LYPLA1: variants seen among roughly 807,000 people sequenced by gnomAD.
The protein encoded by LYPLA1 is lysophospholipase 1, also known as acyl-protein thioesterase 1.
LYPLA1 carries 17 observed loss-of-function variants against 34.0 expected under a neutral mutation model. The observed-to-expected ratio is 0.50, with a 90% confidence interval of 0.34 to 0.75. The LOEUF is 0.75. Ranked by LOEUF, LYPLA1 falls within the 30% of genes least tolerant of loss-of-function variation. The pLI, the probability that LYPLA1 is intolerant of heterozygous loss-of-function variation, is 0.01. For missense variants in LYPLA1, 203 were observed against 288.8 expected, an observed-to-expected ratio of 0.70 and a Z score of 2.15; for synonymous variants, 98 against 100.8, an observed-to-expected ratio of 0.97 and a Z score of 0.17.
intron 3 of LYPLA1, among the ~76,000 whole-genome samples, chr8:54,065,318 C>G (rs1050201596): frequency 6.6e-6 from 1 of 151,826 alleles, no homozygotes; most frequent in Non-Finnish European, 1.5e-5. Context: ...ATTAGCTGGG[C>G]GTGGTGGCAC....
At chr8:54,058,616 G>GTC (rs113146082) in intron 5 of LYPLA1, among the ~76,000 whole-genome samples, 4,602 of 148,842 alleles carry the variant, frequency 0.031, 102 homozygotes, top group African/African-American at 0.062. Context: ...CTCTGTCTCT[G>GTC]TCTCTCTCTC....
At chr8:54,092,539 C>T (rs1809379474) in intron 2 of LYPLA1, among the ~76,000 whole-genome samples, 1 of 152,030 alleles carries the variant, frequency 6.6e-6, no homozygotes, top group South Asian at 2.1e-4. Context: ...CTCAGTTTTC[C>T]CATCCATAAC....
intron 2 of LYPLA1, chr8:54,073,503 T>C: frequency 1.4e-6 from 1 of 715,338 alleles, no homozygotes; most frequent in Non-Finnish European, 2.6e-6. Flanking sequence ...ACTCCAGAAC[T>C]ACCAGCATCT....
chr8:54,088,767 G>A (rs1044008042), intron 2 of LYPLA1, among the ~76,000 whole-genome samples: 1 of 152,210 alleles, frequency 6.6e-6, no homozygotes, highest in Non-Finnish European at 1.5e-5. Flanking sequence ...TTAAGAGACA[G>A]AGTCTCACTA....
chr8:54,052,981 T>G, intron 6 of LYPLA1: 1 of 467,740 alleles, frequency 2.1e-6, no homozygotes, highest in Non-Finnish European at 3.8e-6. Flanking sequence ...AGACATAGTT[T>G]GTACCATGGG....
chr8:54,071,637 T>G (rs1203860743), intron 2 of LYPLA1, among the ~76,000 whole-genome samples: 2 of 151,986 alleles, frequency 1.3e-5, no homozygotes, highest in African/African-American at 2.4e-5. Context: ...GAGTTACAAT[T>G]GCCACAAAAA....
downstream of LYPLA1, among the ~76,000 whole-genome samples, chr8:54,045,933 C>G (rs1805467600): frequency 6.6e-6 from 1 of 152,058 alleles, no homozygotes; most frequent in Non-Finnish European, 1.5e-5. Flanking sequence ...TGGTGGTGGG[C>G]TCCTGTAATC....
chr8:54,081,041 G>A (rs887054409), intron 2 of LYPLA1, among the ~76,000 whole-genome samples: 17 of 152,138 alleles, frequency 1.1e-4, no homozygotes, highest in Non-Finnish European at 8.8e-5. Flanking sequence ...AAAAATGCTG[G>A]AGTTCACACA....
intron 2 of LYPLA1, among the ~76,000 whole-genome samples, chr8:54,076,334 C>T (rs1807900368): frequency 6.6e-6 from 1 of 152,190 alleles, no homozygotes; most frequent in Non-Finnish European, 1.5e-5. Context: ...CAGCTAGTAA[C>T]CCATTAAAAT....
chr8:54,077,592 T>C (rs1279976000), intron 2 of LYPLA1, among the ~76,000 whole-genome samples: 1 of 152,160 alleles, frequency 6.6e-6, no homozygotes, highest in African/African-American at 2.4e-5. Context: ...GGTCAGGAGA[T>C]ACAGACCAGC....
intron 5 of LYPLA1, among the ~76,000 whole-genome samples, chr8:54,058,597 T>C (rs1246514526): frequency 1.3e-5 from 2 of 151,688 alleles, no homozygotes; most frequent in African/African-American, 4.9e-5. Context: ...TCACACTCTC[T>C]CTCTGTGTCT....
rs148012039 is a variant in LYPLA1, at chr8:54,056,099, G to C, written c.287-966C>G. ...GTACTGGCATAAAAACAGACACACA[G>C]ACTAAAGGAACAGAATAGAGAACCC... is the stretch of plus-strand genomic sequence containing the variant. On this transcript the variant is annotated intron_variant, in intron 5 of 8. Transcript: ENST00000316963. Among the ~76,000 whole-genome samples the C allele has an allele frequency of 2.8e-3, 422 of 152,180 alleles. 4 individuals are homozygous for C. Among genetic ancestry groups the C allele is most frequent in the Middle Eastern group, 0.017 (5 of 294 alleles).
chr8:54,085,636 T>C (rs1808671951), intron 2 of LYPLA1, among the ~76,000 whole-genome samples: 1 of 150,440 alleles, frequency 6.6e-6, no homozygotes, highest in South Asian at 2.1e-4. Context: ...CGCGACCCCG[T>C]CTGGGAACTG....
At position 54,052,624 on chromosome 8, in the gene LYPLA1, A is replaced by T. The variant is rs748307286; in HGVS notation, c.462+31T>A. The T allele has an allele frequency of 3.7e-6, 5 of 1,357,322 alleles. No individual in the cohort carries two copies. The South Asian group carries it at 4.7e-5, about 13-fold the overall frequency. The allele number at this position is 1,357,322 out of a possible 1,614,324, so 84.1% of individuals were successfully genotyped here. ...ATCTACTAGCTACCTTTAGCTCAGT[A>T]ATCTCATGTTGAGTGCATCAACCAA... On this transcript the variant is annotated intron_variant, in intron 7 of 8. Transcript: ENST00000316963.
intron 5 of LYPLA1, among the ~76,000 whole-genome samples, chr8:54,055,964 G>A (rs1015673744): frequency 4.6e-5 from 7 of 151,992 alleles, no homozygotes; most frequent in African/African-American, 1.2e-4. Flanking sequence ...ATGGAATCAC[G>A]AAAGACTCAG....
chr8:54,091,668 C>A (rs946650563), intron 2 of LYPLA1, among the ~76,000 whole-genome samples: 2 of 152,094 alleles, frequency 1.3e-5, no homozygotes, highest in African/African-American at 4.8e-5. Context: ...AAATAGGAAT[C>A]TTGGGTTCTA....
intron 2 of LYPLA1, among the ~76,000 whole-genome samples, chr8:54,075,494 C>T (rs1390788640): frequency 1.3e-5 from 2 of 152,144 alleles, no homozygotes; most frequent in African/African-American, 4.8e-5. Context: ...ATGAGCAACA[C>T]CCGAACAGAG....
intron 2 of LYPLA1, among the ~76,000 whole-genome samples, chr8:54,090,978 A>T (rs747048467): frequency 1.2e-4 from 18 of 152,182 alleles, no homozygotes; most frequent in Admixed American, 3.9e-4. Flanking sequence ...GCCATGCAGA[A>T]CTGTGAGTGA....
At chr8:54,096,814 C>T (rs1008636197) in intron 2 of LYPLA1, among the ~76,000 whole-genome samples, 11 of 151,438 alleles carry the variant, frequency 7.3e-5, no homozygotes, top group African/African-American at 2.4e-4. Flanking sequence ...GAGGCTGAGG[C>T]AGCAGAACTG....
Sources: allele counts gnomAD v4.1 joint callset (sites outside exome capture counted in the v4.1 genomes callset), GRCh38; gene constraint gnomAD v4.1.1; transcripts MANE v1.5; gene names NCBI Gene and HGNC (gene_info 2026-07-23, HGNC 2026-07-21).